The following SSX1 variants were observed in gnomAD, a reference collection of about 807,000 sequenced individuals.
SSX1 encodes the protein protein SSX1.
In SSX1, 58 loss-of-function variants were observed where a neutral mutation model predicts 14.6. The observed-to-expected ratio is 3.96, with a 90% CI of 3.21 to 4.93. SSX1 has a LOEUF of 4.93. Ranked by LOEUF, SSX1 falls within the 30% of genes most tolerant of loss-of-function variation. The probability of loss-of-function intolerance (pLI) is 0.00; values close to 1 mark genes in which losing one functional copy is unlikely to be tolerated. For synonymous variants in SSX1, 46 were observed against 52.1 expected, an observed-to-expected ratio of 0.88 and a Z score of 0.50; for missense variants, 272 against 143.1, an observed-to-expected ratio of 1.90 and a Z score of -4.60.
chrX:48,259,688 G>A (rs2059597263), intron 4 of SSX1, among the ~76,000 whole-genome samples: 1 of 110,380 alleles, frequency 9.1e-6, no homozygotes, highest in South Asian at 3.9e-4. Context: ...ACCTATGAGT[G>A]AGAATATGCG....
intron 5 of SSX1, among the ~76,000 whole-genome samples, chrX:48,262,453 G>C (rs782507294): frequency 1.8e-5 from 2 of 111,775 alleles, no homozygotes; most frequent in Non-Finnish European, 3.8e-5. Flanking sequence ...ACCCACTCTC[G>C]CAACAGGAAG....
At position 48,266,235 on chromosome X, in the gene SSX1, T is replaced by G. The variant is rs1213292638; in HGVS notation, c.467-52T>G. On this transcript the variant is annotated intron_variant, in intron 6 of 7. Transcript: ENST00000376919. Reference sequence around the variant, plus strand: ...CTCCTTTTTTTGAGAAAACAGAGCCTAACACTCTTCAACGTACCCAACCCT... The same window carrying G: ...CTCCTTTTTTTGAGAAAACAGAGCCGAACACTCTTCAACGTACCCAACCCT... 4.1e-6 allele frequency: 5 copies of G among 1,207,528 alleles called. No individual in the cohort carries two copies. The East Asian group carries it at 1.5e-4, about 36-fold the overall frequency.
intron 4 of SSX1, 83 bp from the exon 5 acceptor site, chrX:48,261,683 A>G (rs1186768805): frequency 9.7e-7 from 1 of 1,031,220 alleles, no homozygotes; most frequent in Admixed American, 2.2e-5. Flanking sequence ...CCTCTGCTGC[A>G]GAATGCCCTC....
At chrX:48,259,117 C>G (rs1480693509) in intron 4 of SSX1, among the ~76,000 whole-genome samples, 8 of 111,614 alleles carry the variant, frequency 7.2e-5, no homozygotes, top group East Asian at 2.8e-4. Flanking sequence ...CTGCCTCAGC[C>G]TCCTGAGTAG....
intron 1 of SSX1, among the ~76,000 whole-genome samples, 199 bp downstream of exon 1, chrX:48,255,631 G>A (rs1449651784): frequency 3.5e-5 from 3 of 84,619 alleles, no homozygotes; most frequent in Admixed American, 2.6e-4. Context: ...TCCCACCCCT[G>A]TTTTTTTTTT....
Position 48,257,774 on chromosome X carries a change from C to G in SSX1, c.98C>G (p.Ser33Cys). Residue 33 changes from serine (S) to cysteine (C), a missense_variant, in exon 3 of 8, where the codon TCT becomes TGT. Transcript: ENST00000376919. ...TTTGATGATATTGCCACATACTTCT[C>G]TAAGAAAGAGTGGAAAAAGATGAAA... ...KAFDDIATYF[S>C]KKEWKKMKYS... 8.3e-7 allele frequency: 1 copy of G among 1,206,681 alleles called. No homozygotes were observed.
At chrX:48,262,419 G>T (rs1223183526) in intron 5 of SSX1, among the ~76,000 whole-genome samples, 1 of 112,054 alleles carries the variant, frequency 8.9e-6, no homozygotes, top group Non-Finnish European at 1.9e-5. Flanking sequence ...ACCCCATAGG[G>T]CCTACTGGTG....
chrX:48,264,029 A>C (rs1556936020), intron 6 of SSX1, 112 bp downstream of exon 6: 1 of 1,097,978 alleles, frequency 9.1e-7, no homozygotes, highest in Non-Finnish European at 1.2e-6. Context: ...GGCTGGGCTG[A>C]AGAGCTCGCC....
chrX:48,266,741 G>C (rs782458442), intron 7 of SSX1, 113 bp from the exon 8 acceptor site: 1 of 554,779 alleles, frequency 1.8e-6, no homozygotes, highest in East Asian at 3.4e-5. Context: ...CCAGGTCCTG[G>C]GGTAGGGCAG....
In SSX1 at chrX:48,258,588, C is replaced by G; in HGVS notation, c.237C>G (p.Phe79Leu). Residue 79 changes from phenylalanine (F) to leucine (L), a missense_variant, in exon 4 of 8, where the codon TTC (phenylalanine) becomes TTG (leucine). By Grantham distance (22) the Phe-to-Leu change is conservative. Coordinates refer to ENST00000376919, the MANE Select transcript of SSX1 (RefSeq NM_005635.4). ...PFMCNKQATD[F>L]QGNDFDNDHN... ...TGTGTAATAAACAGGCCACAGACTTCCAGGGGAATGATTTTGATAATGACC... is the reference window on the plus strand; with the variant it reads ...TGTGTAATAAACAGGCCACAGACTTGCAGGGGAATGATTTTGATAATGACC... 1 of 1,209,280 alleles carries G rather than the reference C, an allele frequency of 8.3e-7. No individual in the cohort carries two copies.
chrX:48,265,633 A>G (rs1556936263), intron 6 of SSX1, among the ~76,000 whole-genome samples: 1 of 111,831 alleles, frequency 8.9e-6, no homozygotes, highest in East Asian at 2.8e-4. Context: ...ACATTTAAAA[A>G]TAACGAAAAG....
intron 4 of SSX1, among the ~76,000 whole-genome samples, chrX:48,261,207 A>G (rs1276554448): frequency 8.9e-6 from 1 of 111,868 alleles, no homozygotes; most frequent in African/African-American, 3.2e-5. Flanking sequence ...CAATATCTCT[A>G]TTACTCCCCA....
intron 7 of SSX1, 53 bp from the exon 8 acceptor site, chrX:48,266,801 T>C: frequency 1.3e-6 from 1 of 785,791 alleles, no homozygotes; most frequent in African/African-American, 2.0e-5. Context: ...GGTTGAGTTA[T>C]TGGGCAGTGG....
chrX:48,265,256 A>G (rs1556936202), intron 6 of SSX1, among the ~76,000 whole-genome samples: 1 of 112,151 alleles, frequency 8.9e-6, no homozygotes, highest in Non-Finnish European at 1.9e-5. Context: ...CTTTGCATGC[A>G]CAGCTTGGCT....
intron 7 of SSX1, among the ~76,000 whole-genome samples, chrX:48,266,597 T>C (rs2059624871): frequency 8.9e-6 from 1 of 112,032 alleles, no homozygotes; most frequent in South Asian, 3.8e-4. Flanking sequence ...CCCAGGATGC[T>C]GTGGGTTCCC....
chrX:48,262,712 A>C (rs1440115355), intron 5 of SSX1, among the ~76,000 whole-genome samples: 1 of 111,851 alleles, frequency 8.9e-6, no homozygotes, highest in Non-Finnish European at 1.9e-5. Context: ...GAATTCAAAG[A>C]AGGATCCAGA....
At position 48,258,626 on chromosome X, in the gene SSX1, T is replaced by C; in HGVS notation, c.275T>C (p.Ile92Thr). The change falls in exon 4 of 8, where the codon ATT (isoleucine) becomes ACT (threonine). Residue 92 changes from isoleucine (I) to threonine (T), a missense_variant. Physicochemically the swap from Ile to Thr is moderately conservative, Grantham distance 89. Transcript: ENST00000376919. ...NDFDNDHNRR[I>T]QVEHPQMTFG... ...TTTGATAATGACCATAACCGCAGGA[T>C]TCAGGGTGAGTAGATGGGAAGTGGC... is the stretch of plus-strand genomic sequence containing the variant. 8.3e-7 allele frequency: 1 copy of C among 1,200,012 alleles called. No individual in the cohort carries two copies. Among genetic ancestry groups the C allele is most frequent in the East Asian group, 3.0e-5 (1 of 33,732 alleles).
At chrX:48,259,089 C>G (rs1556935054) in intron 4 of SSX1, among the ~76,000 whole-genome samples, 1 of 111,318 alleles carries the variant, frequency 9.0e-6, no homozygotes, top group Non-Finnish European at 1.9e-5. Context: ...CTCTGCCTCC[C>G]GGGTTCAAAC....
At chrX:48,260,972 C>A (rs782304301) in intron 4 of SSX1, among the ~76,000 whole-genome samples, 1 of 111,412 alleles carries the variant, frequency 9.0e-6, no homozygotes, top group African/African-American at 3.3e-5. Flanking sequence ...CCCCAATTCT[C>A]CATGATGAGC....
Sources: gnomAD v4.1 joint callset for allele counts (sites outside exome capture counted in the v4.1 genomes callset) on GRCh38, gnomAD v4.1.1 for gene constraint, MANE v1.5 for transcripts, NCBI Gene and HGNC (gene_info 2026-07-23, HGNC 2026-07-21) for gene names.